Variants in FBXO28 observed in about 807,000 individuals in gnomAD.
FBXO28 encodes the protein F-box protein 28.
Under a neutral mutation model 38.1 loss-of-function variants are expected in FBXO28, and 8 were observed. The observed-to-expected ratio is 0.21, with a 90% CI of 0.12 to 0.38. The LOEUF (loss-of-function observed/expected upper bound fraction) is 0.38. Ranked by LOEUF, FBXO28 falls within the 10% of genes least tolerant of loss-of-function variation. FBXO28 has a pLI of 1.00. For synonymous variants in FBXO28, 168 were observed against 173.8 expected, an observed-to-expected ratio of 0.97 and a Z score of 0.26; for missense variants, 345 against 460.6, an observed-to-expected ratio of 0.75 and a Z score of 2.30.
chr1:224,127,107 A>G (rs1656921082), intron 1 of FBXO28, among the ~76,000 whole-genome samples: 2 of 151,796 alleles, frequency 1.3e-5, no homozygotes, highest in Non-Finnish European at 2.9e-5. Context: ...AGTGTGGTCC[A>G]GAAACCCCAG....
chr1:224,130,389 G>A lies in FBXO28; in HGVS notation c.268-83G>A. 3 of 857,804 alleles carry A rather than the reference G, an allele frequency of 3.5e-6. No individual in the cohort carries two copies. The South Asian group carries it at 4.4e-5, about 13-fold the overall frequency. The allele number at this position is 857,804 out of a possible 1,614,324, so 53.1% of individuals were successfully genotyped here. ...AACTGAGGAATAATAGTGGGATACA[G>A]AGAGCTTTAAGCCATCAGTTATGAG... On this transcript the variant is annotated intron_variant, in intron 1 of 4. Coordinates refer to ENST00000366862, the MANE Select transcript of FBXO28 (RefSeq NM_015176.4).
At chr1:224,134,762 A>G (rs1275560935) in intron 3 of FBXO28, among the ~76,000 whole-genome samples, 2 of 152,230 alleles carry the variant, frequency 1.3e-5, no homozygotes, top group African/African-American at 2.4e-5. Flanking sequence ...AAACTCCAAC[A>G]TTCAACATAC....
chr1:224,114,259 G>C lies in FBXO28; in HGVS notation c.130G>C (p.Gly44Arg), dbSNP rs934244187. 2 of 1,555,308 alleles carry C rather than the reference G, an allele frequency of 1.3e-6. No individual in the cohort carries two copies. The highest frequency in any genetic ancestry group is 1.7e-6 in the Non-Finnish European group (2 of 1,149,632). ...GCCCGCGCCACAGCACCCGCAGCCGGGGTCCCAGGCGCTCCCAGCCCCCGC... is the reference window on the plus strand; with the variant it reads ...GCCCGCGCCACAGCACCCGCAGCCGCGGTCCCAGGCGCTCCCAGCCCCCGC... ...PPPAPQHPQP[G>R]SQALPAPALA... Residue 44 changes from glycine to arginine, a missense_variant, in exon 1 of 5, where the codon GGG becomes CGG. Around this residue, in one of 6 missense-constraint regions of FBXO28, gnomAD observed 104 missense variants for 82.0 expected, o/e 1.27. Coordinates refer to ENST00000366862, the MANE Select transcript of FBXO28 (RefSeq NM_015176.4).
chr1:224,129,605 A>G (rs895548362), intron 1 of FBXO28, among the ~76,000 whole-genome samples: 1 of 152,220 alleles, frequency 6.6e-6, no homozygotes, highest in Non-Finnish European at 1.5e-5. Context: ...AATAATGGGA[A>G]TACATTCAGA....
chr1:224,115,205 C>T (rs1303385722), intron 1 of FBXO28, among the ~76,000 whole-genome samples: 1 of 152,062 alleles, frequency 6.6e-6, no homozygotes, highest in Non-Finnish European at 1.5e-5. Flanking sequence ...AATGAATTTG[C>T]CATTGGGGTT....
At chr1:224,114,466 GT>G in intron 1 of FBXO28, 70 bp downstream of exon 1, 1 of 1,339,692 alleles carries the variant, frequency 7.5e-7, no homozygotes, top group East Asian at 2.7e-5. Context: ...AAGGGAGCGC[GT>G]TCCCCGGGAA....
chr1:224,144,637 A>G (rs1657454000), intron 3 of FBXO28, among the ~76,000 whole-genome samples: 2 of 151,744 alleles, frequency 1.3e-5, no homozygotes, highest in African/African-American at 4.8e-5. Context: ...GTGTGCCTGT[A>G]GTCCCAGCTA....
chr1:224,132,833 T>A (rs1238894171), intron 2 of FBXO28, among the ~76,000 whole-genome samples: 2 of 150,898 alleles, frequency 1.3e-5, no homozygotes, highest in East Asian at 1.9e-4. Context: ...ACAATTTGGC[T>A]GTTCTCAAAA....
chr1:224,114,138 A>G lies in FBXO28; in HGVS notation c.9A>G (p.Ala3=). 1.3e-6 allele frequency: 2 copies of G among 1,540,814 alleles called. No homozygotes were observed. Among genetic ancestry groups the G allele is most frequent in the Non-Finnish European group, 8.8e-7 (1 of 1,142,546 alleles). Residue 3 remains alanine, a synonymous_variant, in exon 1 of 5, where the codon GCA becomes GCG. Transcript: ENST00000366862. MA[A]AAEERMAEEG... ...GGAATCAAGCCCCCAAGATGGCGGC[A>G]GCGGCGGAGGAGCGGATGGCAGAGG... is the stretch of plus-strand genomic sequence containing the variant.
chr1:224,141,426 G>T (rs1024199383), intron 3 of FBXO28, among the ~76,000 whole-genome samples: 4 of 144,112 alleles, frequency 2.8e-5, no homozygotes, highest in African/African-American at 1.0e-4. Context: ...AGCCAAGATT[G>T]CACCACTGCA....
intron 3 of FBXO28, among the ~76,000 whole-genome samples, chr1:224,152,071 G>C (rs1178313943): frequency 6.6e-6 from 1 of 151,574 alleles, no homozygotes; most frequent in Non-Finnish European, 1.5e-5. Flanking sequence ...TTATCTTCAG[G>C]TCTATTCTGA....
At chr1:224,143,006 TAAATA>T (rs1053661035) in intron 3 of FBXO28, among the ~76,000 whole-genome samples, 4 of 148,620 alleles carry the variant, frequency 2.7e-5, no homozygotes, top group Non-Finnish European at 6.0e-5. Context: ...CTGAAATAAA[TAAATA>T]AGTAAGTAAG....
chr1:224,114,187 G>C lies in FBXO28; in HGVS notation c.58G>C (p.Gly20Arg), dbSNP rs1456853055. 1.9e-6 allele frequency: 3 copies of C among 1,547,596 alleles called. No homozygotes were observed. Among genetic ancestry groups the C allele is most frequent in the African/African-American group, 1.4e-5 (1 of 72,946 alleles). ...AEEGGGGQGD[G>R]GSSLASGSTQ... Reference sequence around the variant, plus strand: ...GGAAGGAGGCGGCGGCCAAGGCGACGGCGGTTCCTCTTTGGCCTCCGGCTC... The same window carrying C: ...GGAAGGAGGCGGCGGCCAAGGCGACCGCGGTTCCTCTTTGGCCTCCGGCTC... Residue 20 changes from glycine (G) to arginine (R), a missense_variant, in exon 1 of 5, where the codon GGC (glycine) becomes CGC (arginine). Gly to Arg is a moderately radical substitution (Grantham distance 125). Coordinates refer to ENST00000366862, the MANE Select transcript of FBXO28 (RefSeq NM_015176.4).
chr1:224,126,837 A>T (rs994409844), intron 1 of FBXO28, among the ~76,000 whole-genome samples: 2 of 152,150 alleles, frequency 1.3e-5, no homozygotes, highest in African/African-American at 4.8e-5. Flanking sequence ...AAAATAAAAT[A>T]TCAAATAGTT....
chr1:224,118,421 G>T (rs1656695570), intron 1 of FBXO28, among the ~76,000 whole-genome samples: 1 of 152,062 alleles, frequency 6.6e-6, no homozygotes, highest in South Asian at 2.1e-4. Context: ...TTCAACTGGA[G>T]CTCTTATCAT....
intron 1 of FBXO28, among the ~76,000 whole-genome samples, chr1:224,127,288 G>A (rs557730316): frequency 6.6e-6 from 1 of 151,542 alleles, no homozygotes; most frequent in South Asian, 2.1e-4. Flanking sequence ...TGACATGATG[G>A]CATCACACTG....
Position 224,157,859 on chromosome 1 carries a change from A to G in FBXO28, c.*113A>G. 6.9e-7 allele frequency: 1 copy of G among 1,450,100 alleles called. No homozygotes were observed. 89.8% of individuals were successfully genotyped at this position (1,450,100 alleles called of 1,614,324 possible). On this transcript the variant is annotated 3_prime_UTR_variant, in exon 5 of 5. Coordinates refer to ENST00000366862, the MANE Select transcript of FBXO28 (RefSeq NM_015176.4). ...TCCCTTAAGCTTCTAGGCTTTCAGA[A>G]CACAACTTAAACTTGAACTCTTATG...
rs1034171670 is a variant in FBXO28 at position 224,138,872 on chromosome 1, C to T, written c.516+4660C>T. Among the ~76,000 whole-genome samples the T allele has an allele frequency of 2.0e-4, 31 of 151,886 alleles. 2 individuals are homozygous for T. Among genetic ancestry groups the T allele is most frequent in the African/African-American group, 7.0e-4 (29 of 41,186 alleles). On this transcript the variant is annotated intron_variant, in intron 3 of 4. Coordinates refer to ENST00000366862, the MANE Select transcript of FBXO28 (RefSeq NM_015176.4). ...TCTCGGCTTACTGCAACCTCCGCCT[C>T]CTGGGTTCAAGCGATTCTCCTGCCT...
In FBXO28 at chr1:224,157,708, T is replaced by A. The variant is rs771710056; in HGVS notation, c.1069T>A (p.Ser357Thr). The part of the protein sequence containing the change: ...KRKKATEAID[S>T]LRKSKRLRNR... ...AAAAAAGGCCACGGAAGCCATAGAC[T>A]CTCTTAGGAAATCTAAACGTCTTCG... The change falls in exon 5 of 5, where the codon TCT becomes ACT. Residue 357 changes from serine (S) to threonine (T), a missense_variant. By Grantham distance (58) the Ser-to-Thr change is moderately conservative. This residue lies in a region of FBXO28 where 151 missense variants were observed against 188.3 expected (regional missense o/e 0.80). Coordinates refer to ENST00000366862, the MANE Select transcript of FBXO28 (RefSeq NM_015176.4). 1 of 1,608,600 alleles carries A rather than the reference T, an allele frequency of 6.2e-7. No individual in the cohort carries two copies. The highest frequency in any genetic ancestry group is 2.2e-5 in the East Asian group (1 of 44,874).
Sources: allele counts gnomAD v4.1 joint callset (sites outside exome capture counted in the v4.1 genomes callset), GRCh38; gene constraint gnomAD v4.1.1; regional missense constraint gnomAD v4.1.1; transcripts MANE v1.5; gene names NCBI Gene and HGNC (gene_info 2026-07-23, HGNC 2026-07-21).